The following LRRC4C variants were observed in gnomAD, a reference collection of about 807,000 sequenced individuals.
LRRC4C encodes the protein leucine rich repeat containing 4C.
LRRC4C carries 5 observed loss-of-function variants against 33.6 expected under a neutral mutation model. The ratio of observed to expected loss-of-function variants is 0.15; its 90% CI spans 0.08 to 0.31. The LOEUF is 0.31. Among genes scored for constraint, LRRC4C ranks in the 10% least tolerant of loss-of-function variants. LRRC4C has a pLI of 1.00. For missense variants in LRRC4C, 560 were observed against 796.7 expected, an observed-to-expected ratio of 0.70 and a Z score of 3.58; for synonymous variants, 329 against 302.0, an observed-to-expected ratio of 1.09 and a Z score of -0.93.
At chr11:41,127,796 G>C (rs1942819467) in intron 1 of LRRC4C, among the ~76,000 whole-genome samples, 1 of 152,106 alleles carries the variant, frequency 6.6e-6, no homozygotes, top group East Asian at 1.9e-4. Context: ...TTATCAGCTA[G>C]TATTCCAGAG....
In LRRC4C at chr11:40,891,643, T is replaced by C. The variant is rs546628685; in HGVS notation, c.-407+41992A>G. 3.9e-5 allele frequency among the ~76,000 whole-genome samples: 6 copies of C among 152,224 alleles called. No homozygotes were observed. In the South Asian group the frequency reaches 6.2e-4, roughly 16 times the overall value. On this transcript the variant is annotated intron_variant, in intron 2 of 6. Coordinates refer to ENST00000528697, the MANE Select transcript of LRRC4C (RefSeq NM_001258419.2). Reference sequence around the variant, plus strand: ...AAGACAAACAAAAGGCAGACAGATATATAAAAATGTGCTCAACACCATTGA... The same window carrying C: ...AAGACAAACAAAAGGCAGACAGATACATAAAAATGTGCTCAACACCATTGA...
At chr11:40,354,882 C>T (rs1054613902) in intron 3 of LRRC4C, among the ~76,000 whole-genome samples, 3 of 152,018 alleles carry the variant, frequency 2.0e-5, no homozygotes, top group Non-Finnish European at 1.5e-5. Flanking sequence ...TTTACTCTTC[C>T]CCCTCCTTTC....
intron 3 of LRRC4C, among the ~76,000 whole-genome samples, chr11:40,442,358 A>T (rs987823609): frequency 1.3e-5 from 2 of 152,114 alleles, no homozygotes; most frequent in African/African-American, 2.4e-5. Flanking sequence ...TTTATTTACT[A>T]ATTTACAAAA....
intron 2 of LRRC4C, among the ~76,000 whole-genome samples, chr11:40,804,365 G>A (rs1184265121): frequency 1.3e-5 from 2 of 152,118 alleles, no homozygotes; most frequent in Non-Finnish European, 1.5e-5. Flanking sequence ...CTAGAGCCTT[G>A]GTTTAAAAAT....
intron 3 of LRRC4C, among the ~76,000 whole-genome samples, chr11:40,524,140 T>G (rs2135252947): frequency 6.6e-6 from 1 of 152,304 alleles, no homozygotes; most frequent in South Asian, 2.1e-4. Context: ...TAAGGGTTTT[T>G]CCTATATTTG....
rs866703951 is a variant in LRRC4C, at chr11:40,309,858, T to C, written c.-176+9770A>G. On this transcript the variant is annotated intron_variant, in intron 4 of 6. Transcript: ENST00000528697. ...GGCCCCCAGAAGCAGGAAGAAGATA[T>C]GTTTGACTAGAGAAAGGAAAGGATG... Among the ~76,000 whole-genome samples the C allele has an allele frequency of 2.6e-5, 4 of 152,074 alleles. No individual in the cohort carries two copies. The East Asian group carries it at 5.8e-4, about 22-fold the overall frequency.
intron 1 of LRRC4C, among the ~76,000 whole-genome samples, chr11:41,391,484 A>T (rs1021135234): frequency 6.6e-6 from 1 of 151,946 alleles, no homozygotes; most frequent in African/African-American, 2.4e-5. Context: ...GAGTAATTCT[A>T]CAAATATGTA....
At chr11:41,303,096 TCTCCCTCTC>T (rs1950331625) in intron 1 of LRRC4C, among the ~76,000 whole-genome samples, 3 of 145,642 alleles carry the variant, frequency 2.1e-5, no homozygotes, top group Non-Finnish European at 4.6e-5. Flanking sequence ...TCCCTCTCCC[TCTCCCTCTC>T]CCTCTCCCTC....
intron 2 of LRRC4C, among the ~76,000 whole-genome samples, chr11:40,900,901 A>T (rs1956168838): frequency 6.6e-6 from 1 of 152,072 alleles, no homozygotes; most frequent in Admixed American, 6.6e-5. Context: ...ATATGATTGT[A>T]TCATAAAAAG....
At chr11:40,638,555 C>G (rs1941906265) in intron 3 of LRRC4C, among the ~76,000 whole-genome samples, 1 of 152,098 alleles carries the variant, frequency 6.6e-6, no homozygotes, top group Non-Finnish European at 1.5e-5. Flanking sequence ...ATACATGAAG[C>G]AGATGGTGAT....
chr11:40,572,184 A>G (rs1459964961), intron 3 of LRRC4C, among the ~76,000 whole-genome samples: 1 of 152,216 alleles, frequency 6.6e-6, no homozygotes, highest in Admixed American at 6.5e-5. Context: ...AAAATATTGT[A>G]AAAATGGAAT....
At position 41,002,206 on chromosome 11, in the gene LRRC4C, G is replaced by C. The variant is rs562684926; in HGVS notation, c.-495-68483C>G. Among the ~76,000 whole-genome samples the C allele has an allele frequency of 1.8e-4, 28 of 152,206 alleles. No individual in the cohort carries two copies. The South Asian group carries it at 5.0e-3, about 27-fold the overall frequency. ...AACAGACCTCTGATGGAGTCTCATG[G>C]AGTAAAGAGGACTATGCATGTAAGC... On this transcript the variant is annotated intron_variant, in intron 1 of 6. Coordinates refer to ENST00000528697, the MANE Select transcript of LRRC4C (RefSeq NM_001258419.2).
intron 1 of LRRC4C, among the ~76,000 whole-genome samples, chr11:41,374,662 C>A (rs1952872703): frequency 6.6e-6 from 1 of 151,902 alleles, no homozygotes; most frequent in Admixed American, 6.6e-5. Flanking sequence ...TAGTAAAATA[C>A]CTTAAGGAGA....
At chr11:41,390,354 G>A (rs1237139933) in intron 1 of LRRC4C, among the ~76,000 whole-genome samples, 1 of 151,810 alleles carries the variant, frequency 6.6e-6, no homozygotes, top group Non-Finnish European at 1.5e-5. Flanking sequence ...TTTCCATTGT[G>A]CCAGTGTGCC....
intron 3 of LRRC4C, among the ~76,000 whole-genome samples, chr11:40,482,125 T>C (rs991652441): frequency 1.3e-5 from 2 of 152,188 alleles, no homozygotes; most frequent in Non-Finnish European, 2.9e-5. Context: ...AACAATCATA[T>C]AGATCTTTGA....
chr11:40,408,793 G>A (rs1469261324), intron 3 of LRRC4C, among the ~76,000 whole-genome samples: 2 of 151,880 alleles, frequency 1.3e-5, no homozygotes, highest in Non-Finnish European at 2.9e-5. Flanking sequence ...GATATTTTGT[G>A]TTCATGGATT....
At chr11:41,416,727 CT>C (rs1403003133) in intron 1 of LRRC4C, among the ~76,000 whole-genome samples, 1 of 151,984 alleles carries the variant, frequency 6.6e-6, no homozygotes, top group Non-Finnish European at 1.5e-5. Context: ...TGTCTAACTG[CT>C]TTTCTTATTT....
chr11:40,195,801 T>G (rs2135672686), intron 5 of LRRC4C, among the ~76,000 whole-genome samples: 1 of 152,102 alleles, frequency 6.6e-6, no homozygotes, highest in South Asian at 2.1e-4. Context: ...GATTAGCATG[T>G]CCAAAAATAT....
intron 1 of LRRC4C, among the ~76,000 whole-genome samples, chr11:41,285,510 C>T (rs921232783): frequency 1.3e-5 from 2 of 152,152 alleles, no homozygotes; most frequent in Non-Finnish European, 2.9e-5. Context: ...GTAGGGAACA[C>T]AGACAGGGAG....
Sources: gnomAD v4.1 joint callset for allele counts (sites outside exome capture counted in the v4.1 genomes callset) on GRCh38, gnomAD v4.1.1 for gene constraint, MANE v1.5 for transcripts, NCBI Gene and HGNC (gene_info 2026-07-23, HGNC 2026-07-21) for gene names.